Variants in KIAA2012 observed in about 807,000 individuals in gnomAD.
KIAA2012 encodes the protein uncharacterized protein KIAA2012.
A neutral mutation model predicts 150.6 loss-of-function variants in KIAA2012; 125 were observed. The observed-to-expected ratio is 0.83, with a 90% CI of 0.72 to 0.96. The LOEUF (loss-of-function observed/expected upper bound fraction) is 0.96, where lower values mean the gene tolerates loss of function less well. KIAA2012 is among the 40% of genes least tolerant of loss of function. KIAA2012 has a pLI of 0.00. For missense variants in KIAA2012, 1,219 were observed against 1,354.9 expected (o/e 0.90, Z 1.57); for synonymous variants, 462 against 504.7 (o/e 0.92, Z 1.13).
chr2:202,184,532 A>T (rs1692185398), intron 15 of KIAA2012, among the ~76,000 whole-genome samples: 1 of 152,180 alleles, frequency 6.6e-6, no homozygotes, highest in Middle Eastern at 3.2e-3. Flanking sequence ...ACATACTGTC[A>T]TATCACTTTC....
In KIAA2012 at chr2:202,119,550, A is replaced by C. The variant is rs1016101193; in HGVS notation, c.1763-5664A>C. ...ATCAGACTTTCTGAGGATACCAGTA[A>C]ATAAAACAGATAAAAGCAGAACTAT... On this transcript the variant is annotated intron_variant, in intron 11 of 23. Transcript: ENST00000498697. Among the ~76,000 whole-genome samples, 91 of 152,188 alleles carry C rather than the reference A, an allele frequency of 6.0e-4. 6 individuals carry two copies. Among genetic ancestry groups the C allele is most frequent in the Non-Finnish European group, 4.4e-5 (3 of 68,032 alleles).
chr2:202,163,074 T>A (rs1214965245), intron 14 of KIAA2012, among the ~76,000 whole-genome samples: 2 of 151,866 alleles, frequency 1.3e-5, no homozygotes, highest in Non-Finnish European at 2.9e-5. Context: ...AATGAATGAC[T>A]TTAAATAGAA....
intron 23 of KIAA2012, among the ~76,000 whole-genome samples, chr2:202,204,076 GTTTTTTTTTT>G: frequency 7.2e-6 from 1 of 139,456 alleles, no homozygotes; most frequent in South Asian, 2.3e-4. Context: ...GCGGTTTTTT[GTTTTTTTTTT>G]TTTTTTTTAA....
At chr2:202,136,281 A>G (rs1231753971) in intron 12 of KIAA2012, 1 of 159,666 alleles carries the variant, frequency 6.3e-6, no homozygotes, top group Non-Finnish European at 1.4e-5. Flanking sequence ...TGGCCTCAAG[A>G]GTGAAGCTGC....
At chr2:202,097,294 A>G (rs1478309725) in intron 4 of KIAA2012, 141 bp from the exon 5 acceptor site, 7 of 1,363,262 alleles carry the variant, frequency 5.1e-6, no homozygotes, top group Non-Finnish European at 6.9e-6. Context: ...TATCAGAAAT[A>G]CAAAATAAGG....
Position 202,193,478 on chromosome 2 carries a change from C to T in KIAA2012, c.2989C>T (p.Gln997Ter). Residue 997 changes from glutamine (Q) to a stop codon, truncating the protein, a stop_gained, in exon 20 of 24, where the codon CAG becomes TAG. Coordinates refer to ENST00000498697, the MANE Select transcript of KIAA2012 (RefSeq NM_001277372.4). LOFTEE classifies it high-confidence loss of function. ...GATGGAGGAGGAGCTGGAGCTGGAGCAGCAGAGACGTACAGAAGAGATCCG... is the reference window on the plus strand; with the variant it reads ...GATGGAGGAGGAGCTGGAGCTGGAGTAGCAGAGACGTACAGAAGAGATCCG... ...KKMEEELELE[Q>*]QRRTEEIRLR... The T allele has an allele frequency of 6.5e-7, 1 of 1,550,144 alleles. No individual in the cohort carries two copies. The highest frequency in any genetic ancestry group is 8.7e-7 in the Non-Finnish European group (1 of 1,146,892).
intron 5 of KIAA2012, among the ~76,000 whole-genome samples, chr2:202,098,804 G>GTGTGTGTC: frequency 6.8e-6 from 1 of 147,352 alleles, no homozygotes; most frequent in South Asian, 2.1e-4. Context: ...GTGTGTGTGT[G>GTGTGTGTC]TGTGTGTGTG....
At chr2:202,196,319 C>G (rs1043457838) in intron 21 of KIAA2012, among the ~76,000 whole-genome samples, 2 of 151,466 alleles carry the variant, frequency 1.3e-5, no homozygotes, top group East Asian at 3.9e-4. Flanking sequence ...CTCAGCCTCC[C>G]GAGTAGCTGG....
At chr2:202,120,439 T>C (rs1690630525) in intron 11 of KIAA2012, among the ~76,000 whole-genome samples, 1 of 152,178 alleles carries the variant, frequency 6.6e-6, no homozygotes, top group Non-Finnish European at 1.5e-5. Context: ...GAGGTATGAT[T>C]TGCTCAAAGC....
At position 202,194,200 on chromosome 2, in the gene KIAA2012, C is replaced by G; in HGVS notation, c.3025C>G (p.Gln1009Glu). 1.3e-6 allele frequency: 2 copies of G among 1,550,494 alleles called. No homozygotes were observed. The highest frequency in any genetic ancestry group is 1.7e-6 in the Non-Finnish European group (2 of 1,146,936). Residue 1009 changes from glutamine (Q) to glutamate (E), a missense_variant, in exon 21 of 24, where the codon CAG (glutamine) becomes GAG (glutamate). Coordinates refer to ENST00000498697, the MANE Select transcript of KIAA2012 (RefSeq NM_001277372.4). ...RRTEEIRLRK[Q>E]RLQEEQQRQE... ...CTTGGGTTTTCTCAGCTTGAGGAAA[C>G]AGAGACTCCAAGAAGAACAGCAGCG...
intron 2 of KIAA2012, among the ~76,000 whole-genome samples, chr2:202,087,402 A>G (rs992240295): frequency 5.4e-5 from 8 of 149,186 alleles, no homozygotes; most frequent in African/African-American, 2.0e-4. Context: ...AATCCCAACT[A>G]CTCCGGAGGC....
At chr2:202,106,839 AT>A (rs1690208499) in intron 9 of KIAA2012, among the ~76,000 whole-genome samples, 1 of 152,200 alleles carries the variant, frequency 6.6e-6, no homozygotes, top group South Asian at 2.1e-4. Flanking sequence ...AACAAGCCAT[AT>A]TTAGAAAGCT....
At chr2:202,115,616 A>G (rs1206114773) in intron 11 of KIAA2012, 1 of 152,074 alleles carries the variant, frequency 6.6e-6, no homozygotes, top group Non-Finnish European at 1.5e-5. Context: ...TTCCAATATG[A>G]GTCCTAGAGA....
intron 14 of KIAA2012, among the ~76,000 whole-genome samples, chr2:202,159,464 G>A (rs187391936): frequency 6.6e-6 from 1 of 152,068 alleles, no homozygotes; most frequent in East Asian, 1.9e-4. Flanking sequence ...GTGGGGCAAG[G>A]GGTACTTCTC....
At chr2:202,099,138 C>T (rs914829132) in intron 5 of KIAA2012, among the ~76,000 whole-genome samples, 1 of 152,002 alleles carries the variant, frequency 6.6e-6, no homozygotes, top group Non-Finnish European at 1.5e-5. Context: ...CAGGTGTGTG[C>T]CACCATGCCT....
chr2:202,135,863 AAAGTGCAAGACACT>A (rs1470784892), intron 12 of KIAA2012: 1 of 175,394 alleles, frequency 5.7e-6, no homozygotes, highest in Non-Finnish European at 1.2e-5. Context: ...TGTGGAGGGG[AAAGTGCAAGACACT>A]AAGTCAGGAC....
chr2:202,120,602 A>G (rs1242446795), intron 11 of KIAA2012, among the ~76,000 whole-genome samples: 3 of 152,080 alleles, frequency 2.0e-5, no homozygotes, highest in South Asian at 4.1e-4. Context: ...CTCTACTGTG[A>G]TGCTTTACCT....
intron 12 of KIAA2012, among the ~76,000 whole-genome samples, chr2:202,129,195 G>A (rs948406030): frequency 3.3e-5 from 5 of 151,196 alleles, no homozygotes; most frequent in East Asian, 3.9e-4. Context: ...ACATCTATTC[G>A]TTGGAACACC....
At chr2:202,148,016 G>C (rs1691336893) in intron 13 of KIAA2012, among the ~76,000 whole-genome samples, 1 of 152,140 alleles carries the variant, frequency 6.6e-6, no homozygotes, top group Non-Finnish European at 1.5e-5. Context: ...TTCTCCTCCA[G>C]CTCCTGCTGA....
Sources: gnomAD v4.1 joint callset for allele counts (sites outside exome capture counted in the v4.1 genomes callset) on GRCh38, gnomAD v4.1.1 for gene constraint, MANE v1.5 for transcripts, NCBI Gene and HGNC (gene_info 2026-07-23, HGNC 2026-07-21) for gene names.